KTN1: variants seen among roughly 807,000 people sequenced by gnomAD.
KTN1 encodes the protein kinectin.
In KTN1, 130 loss-of-function variants were observed where a neutral mutation model predicts 222.5. That is an observed-to-expected ratio of 0.58 (90% confidence interval 0.51 to 0.68). The LOEUF is 0.68. Ranked by LOEUF, KTN1 falls within the 30% of genes least tolerant of loss-of-function variation. KTN1 has a pLI of 0.00. For missense variants in KTN1, 1,508 were observed against 1,500.4 expected, an observed-to-expected ratio of 1.01 and a Z score of -0.08; for synonymous variants, 512 against 496.3, an observed-to-expected ratio of 1.03 and a Z score of -0.42.
intron 7 of KTN1, among the ~76,000 whole-genome samples, chr14:55,630,314 G>A (rs1442632506): frequency 1.3e-5 from 2 of 152,154 alleles, no homozygotes; most frequent in South Asian, 2.1e-4. Flanking sequence ...AAGTATTGGC[G>A]ACTTTAGAGC....
chr14:55,667,217 G>T, intron 33 of KTN1, 24 bp from the exon 34 acceptor site: 1 of 1,380,284 alleles, frequency 7.2e-7, no homozygotes, highest in South Asian at 1.3e-5. Flanking sequence ...TTGTAAGTTT[G>T]ATTTGGCTCA....
chr14:55,637,246 A>G lies in KTN1; in HGVS notation c.1598A>G (p.His533Arg). The G allele has an allele frequency of 1.2e-6, 2 of 1,611,322 alleles. No individual in the cohort carries two copies. Among genetic ancestry groups the G allele is most frequent in the East Asian group, 2.2e-5 (1 of 44,818 alleles). The change falls in exon 11 of 44, where the codon CAT (histidine) becomes CGT (arginine). Residue 533 changes from histidine to arginine, a missense_variant. Physicochemically the swap from His to Arg is conservative, Grantham distance 29 (BLOSUM62 0). Transcript: ENST00000395314. ...AAAGAAAATGAAGTACAGAGTCTGCATAGTAAGCTTACAGATACCTTGGTA... is the reference window on the plus strand; with the variant it reads ...AAAGAAAATGAAGTACAGAGTCTGCGTAGTAAGCTTACAGATACCTTGGTA... ...VAKENEVQSLHSKLTDTLVSK... is the reference protein window; with the variant it reads ...VAKENEVQSLRSKLTDTLVSK...
At chr14:55,659,746 T>C in intron 31 of KTN1, 43 bp downstream of exon 31, 1 of 1,082,120 alleles carries the variant, frequency 9.2e-7, no homozygotes, top group Non-Finnish European at 1.4e-6. Flanking sequence ...GTCGTAACTA[T>C]TTTTATGTGG....
chr14:55,637,455 T>A (rs1035628963), intron 11 of KTN1, 91 bp downstream of exon 11: 46 of 896,318 alleles, frequency 5.1e-5, no homozygotes, highest in Non-Finnish European at 7.2e-5. Context: ...GTCTACCTTA[T>A]CCTAATTCTG....
chr14:55,615,474 G>A (rs75351812), intron 2 of KTN1, among the ~76,000 whole-genome samples: 11,629 of 150,866 alleles, frequency 0.077, 499 homozygotes, highest in South Asian at 0.11. Flanking sequence ...GAAATTATAC[G>A]ATATTTATCT....
chr14:55,648,293 T>G (rs1032419975), intron 20 of KTN1, among the ~76,000 whole-genome samples, 178 bp downstream of exon 20: 1 of 152,234 alleles, frequency 6.6e-6, no homozygotes, highest in Non-Finnish European at 1.5e-5. Flanking sequence ...ATGCATAACA[T>G]TGACTGCCTT....
chr14:55,674,157 A>G (rs2045697383), intron 40 of KTN1: 5 of 152,124 alleles, frequency 3.3e-5, no homozygotes, highest in African/African-American at 1.2e-4. Flanking sequence ...TTGGTATCCT[A>G]TGTTATGGCA....
chr14:55,598,619 T>A (rs915609762), intron 1 of KTN1, among the ~76,000 whole-genome samples: 1 of 152,194 alleles, frequency 6.6e-6, no homozygotes, highest in African/African-American at 2.4e-5. Flanking sequence ...GACAGACTTA[T>A]TGCTTCTAAA....
At chr14:55,636,425 C>T in intron 9 of KTN1, 24 bp from the exon 10 acceptor site, 1 of 1,553,138 alleles carries the variant, frequency 6.4e-7, no homozygotes, top group Non-Finnish European at 8.8e-7. Context: ...CTAATTTATC[C>T]TTTCTCCCTT....
intron 1 of KTN1, among the ~76,000 whole-genome samples, chr14:55,588,287 T>C (rs1338608219): frequency 1.3e-5 from 2 of 152,220 alleles, no homozygotes; most frequent in African/African-American, 4.8e-5. Context: ...ACCATAAGTT[T>C]ATATCATCTG....
At chr14:55,672,404 T>G (rs987228845) in intron 37 of KTN1, 2 of 400,002 alleles carry the variant, frequency 5.0e-6, no homozygotes, top group East Asian at 4.2e-5. Flanking sequence ...TAATAAAAAA[T>G]TAATCACTTT....
Position 55,650,426 on chromosome 14 carries a change from G to C in KTN1, c.2496+8G>C. ...AAGGAGAAAACTGTTCAGGTATTGG[G>C]AGACAGAGAACTGTGTTTTATGTTT... is the stretch of plus-strand genomic sequence containing the variant. On this transcript the variant is annotated splice_region_variant and intron_variant, in intron 23 of 43. Coordinates refer to ENST00000395314, the MANE Select transcript of KTN1 (RefSeq NM_001079521.2). The C allele has an allele frequency of 6.3e-7, 1 of 1,594,264 alleles. No homozygotes were observed. The highest frequency in any genetic ancestry group is 8.6e-7 in the Non-Finnish European group (1 of 1,167,442).
chr14:55,657,396 C>CTTTTTTTTTT (rs2043595835), intron 29 of KTN1, among the ~76,000 whole-genome samples: 1 of 115,648 alleles, frequency 8.6e-6, no homozygotes, highest in African/African-American at 3.3e-5. Flanking sequence ...ACTGAGTTGA[C>CTTTTTTTTTT]GTTTTTTTTT....
intron 1 of KTN1, among the ~76,000 whole-genome samples, chr14:55,590,746 G>A (rs2033956906): frequency 6.6e-6 from 1 of 151,818 alleles, no homozygotes; most frequent in African/African-American, 2.4e-5. Flanking sequence ...CGCGATCTTG[G>A]CTGACTGCAA....
At chr14:55,662,212 G>A (rs913562714) in intron 32 of KTN1, among the ~76,000 whole-genome samples, 5 of 151,768 alleles carry the variant, frequency 3.3e-5, no homozygotes, top group South Asian at 2.1e-4. Flanking sequence ...AACTACAGGC[G>A]TGCACCACCA....
At chr14:55,673,314 G>C in intron 40 of KTN1, 59 bp downstream of exon 40, 1 of 1,095,352 alleles carries the variant, frequency 9.1e-7, no homozygotes, top group South Asian at 1.4e-5. Context: ...TTATTGACAT[G>C]TGGAGAAACC....
chr14:55,661,756 C>A, intron 32 of KTN1, 144 bp downstream of exon 32: 1 of 429,830 alleles, frequency 2.3e-6, no homozygotes. Flanking sequence ...GTAGTTTTTT[C>A]GGGGGGCGGG....
intron 41 of KTN1, among the ~76,000 whole-genome samples, chr14:55,676,303 T>A (rs974658291): frequency 6.6e-6 from 1 of 152,194 alleles, no homozygotes; most frequent in Non-Finnish European, 1.5e-5. Context: ...CTATTTTTTT[T>A]AGATGTTTTT....
At chr14:55,663,690 T>G (rs1394642922) in intron 32 of KTN1, 2 of 315,798 alleles carry the variant, frequency 6.3e-6, no homozygotes, top group African/African-American at 2.2e-5. Context: ...TTGAATGCTT[T>G]CTTCTTTGTC....
Sources: allele counts gnomAD v4.1 joint callset (sites outside exome capture counted in the v4.1 genomes callset), GRCh38; gene constraint gnomAD v4.1.1; transcripts MANE v1.5; gene names NCBI Gene and HGNC (gene_info 2026-07-23, HGNC 2026-07-21).